Variants in FRMD6 observed in about 807,000 individuals in gnomAD.
The protein encoded by FRMD6 is FERM domain containing 6.
FRMD6 carries 37 observed loss-of-function variants against 73.2 expected under a neutral mutation model. The observed-to-expected ratio is 0.51, with a 90% CI of 0.39 to 0.66. The LOEUF (loss-of-function observed/expected upper bound fraction) is 0.66, where lower values mean the gene tolerates loss of function less well. Ranked by LOEUF, FRMD6 falls within the 30% of genes least tolerant of loss-of-function variation. The pLI is 0.00. For missense variants in FRMD6, 714 were observed against 780.5 expected, an observed-to-expected ratio of 0.91 and a Z score of 1.02; for synonymous variants, 273 against 282.2, an observed-to-expected ratio of 0.97 and a Z score of 0.33.
chr14:51,607,711 A>G (rs1221537387), intron 2 of FRMD6, among the ~76,000 whole-genome samples: 1 of 152,176 alleles, frequency 6.6e-6, no homozygotes, highest in Non-Finnish European at 1.5e-5. Context: ...TCATCTTAAA[A>G]CTTGCCATTT....
At chr14:51,698,093 G>C (rs1386299611) in intron 2 of FRMD6, 49 bp from the exon 3 acceptor site, 2 of 1,374,756 alleles carry the variant, frequency 1.5e-6, no homozygotes, top group Non-Finnish European at 2.1e-6. Context: ...GGCTCCCTGG[G>C]TGGACTTAGT....
chr14:51,417,230 G>T, the FRMD6 span, among the ~76,000 whole-genome samples: 1 of 152,216 alleles, frequency 6.6e-6, no homozygotes, highest in Non-Finnish European at 1.5e-5. Flanking sequence ...GTTAGTTGAT[G>T]CAGTTTCTTC....
At chr14:51,640,906 G>T (rs1891780285) in intron 2 of FRMD6, among the ~76,000 whole-genome samples, 1 of 151,876 alleles carries the variant, frequency 6.6e-6, no homozygotes, top group Non-Finnish European at 1.5e-5. Context: ...AATTTTCCAT[G>T]GTAAGAGCTA....
At chr14:51,454,041 C>T in the FRMD6 span, among the ~76,000 whole-genome samples, 2 of 152,168 alleles carry the variant, frequency 1.3e-5, no homozygotes, top group Admixed American at 1.3e-4. Context: ...CAGCACAATG[C>T]CTACCAGAGA....
chr14:51,431,548 T>TTCTTAACC, the FRMD6 span, among the ~76,000 whole-genome samples: 2 of 152,240 alleles, frequency 1.3e-5, no homozygotes, highest in African/African-American at 4.8e-5. Context: ...CAGCACCTCC[T>TTCTTAACC]TCTTAACCAA....
At chr14:51,415,513 G>A in the FRMD6 span, among the ~76,000 whole-genome samples, 1 of 152,180 alleles carries the variant, frequency 6.6e-6, no homozygotes, top group Non-Finnish European at 1.5e-5. Context: ...TGACTTGATT[G>A]TGGTGGATAA....
At chr14:51,671,874 A>G (rs1894033384) in intron 1 of FRMD6, among the ~76,000 whole-genome samples, 1 of 152,254 alleles carries the variant, frequency 6.6e-6, no homozygotes, top group Non-Finnish European at 1.5e-5. Flanking sequence ...AACAGCAGAA[A>G]CAATGGCCAA....
At chr14:51,696,079 A>G (rs2140409006) in intron 2 of FRMD6, among the ~76,000 whole-genome samples, 1 of 152,118 alleles carries the variant, frequency 6.6e-6, no homozygotes, top group South Asian at 2.1e-4. Flanking sequence ...TGCCATATGT[A>G]ATGCATATAG....
At position 51,630,698 on chromosome 14, in the gene FRMD6, G is replaced by A. The variant is rs114726050; in HGVS notation, c.-146-58993G>A. The stretch of plus-strand genomic sequence containing the variant: ...GGAGGTCAAGGCTGCAGTCAGCCAT[G>A]ACTGCACCACTGCACTCCAGCCTAG... On this transcript the variant is annotated intron_variant, in intron 2 of 14. Coordinates refer to the FRMD6 transcript ENST00000356218. 3.1e-3 allele frequency among the ~76,000 whole-genome samples: 468 copies of A among 152,258 alleles called. 2 individuals carry two copies. The highest frequency in any genetic ancestry group is 0.011 in the African/African-American group (438 of 41,544).
At chr14:51,487,994 G>T (rs1253448511), upstream of FRMD6, among the ~76,000 whole-genome samples, 13 of 152,170 alleles carry the variant, frequency 8.5e-5, no homozygotes, top group Non-Finnish European at 4.4e-5. Flanking sequence ...GCTTGCTTTC[G>T]TCATGGCTGA....
intron 2 of FRMD6, among the ~76,000 whole-genome samples, chr14:51,581,142 A>C (rs1268997223): frequency 2.0e-5 from 3 of 152,232 alleles, no homozygotes; most frequent in Admixed American, 6.5e-5. Flanking sequence ...CTTTCCATTC[A>C]ACTACACTAA....
At chr14:51,701,968 C>T (rs1476844086) in intron 4 of FRMD6, among the ~76,000 whole-genome samples, 1 of 151,846 alleles carries the variant, frequency 6.6e-6, no homozygotes, top group Non-Finnish European at 1.5e-5. Context: ...CTCGTGTTTC[C>T]AGAACCTCCC....
At chr14:51,625,312 C>A (rs1891075047) in intron 2 of FRMD6, among the ~76,000 whole-genome samples, 1 of 152,138 alleles carries the variant, frequency 6.6e-6, no homozygotes, top group Admixed American at 6.5e-5. Flanking sequence ...TCTTACTTAG[C>A]AGAAACTAAT....
intron 2 of FRMD6, chr14:51,584,103 C>T (rs893841504): frequency 6.6e-6 from 1 of 152,196 alleles, no homozygotes; most frequent in African/African-American, 2.4e-5. Context: ...ATGTCAACTC[C>T]TCCTTTTATA....
At chr14:51,432,072 T>C in the FRMD6 span, among the ~76,000 whole-genome samples, 1 of 152,242 alleles carries the variant, frequency 6.6e-6, no homozygotes, top group Non-Finnish European at 1.5e-5. Flanking sequence ...CGACAAGCTC[T>C]TTTGAGTTAG....
chr14:51,550,589 C>CG (rs1008653978), intron 1 of FRMD6, among the ~76,000 whole-genome samples: 3 of 149,850 alleles, frequency 2.0e-5, no homozygotes, highest in African/African-American at 5.0e-5. Context: ...GACCCCCCCG[C>CG]CATGCTTATA....
At chr14:51,554,240 TA>T (rs1886997016) in intron 1 of FRMD6, among the ~76,000 whole-genome samples, 1 of 151,998 alleles carries the variant, frequency 6.6e-6, no homozygotes, top group African/African-American at 2.4e-5. Context: ...AAATACAAAA[TA>T]AATATCCATG....
At chr14:51,578,296 C>T (rs1194673327) in intron 2 of FRMD6, among the ~76,000 whole-genome samples, 1 of 151,986 alleles carries the variant, frequency 6.6e-6, no homozygotes, top group Non-Finnish European at 1.5e-5. Flanking sequence ...AATAATGCCA[C>T]AAAGAATATA....
chr14:51,584,201 G>C (rs1888893688), intron 2 of FRMD6: 1 of 152,184 alleles, frequency 6.6e-6, no homozygotes, highest in African/African-American at 2.4e-5. Flanking sequence ...TAACTCTTCT[G>C]ATTCATCATT....
Sources: gnomAD v4.1 joint callset for allele counts (sites outside exome capture counted in the v4.1 genomes callset) on GRCh38, gnomAD v4.1.1 for gene constraint, MANE v1.5 for transcripts, NCBI Gene and HGNC (gene_info 2026-07-23, HGNC 2026-07-21) for gene names.